Variants in ACBD6 observed in about 807,000 individuals in gnomAD.
The protein encoded by ACBD6 is acyl-CoA-binding domain-containing protein 6.
Under a neutral mutation model 37.2 loss-of-function variants are expected in ACBD6, and 28 were observed. That is an observed-to-expected ratio of 0.75 (90% CI 0.56 to 1.03). The LOEUF is 1.03. Ranked by LOEUF, ACBD6 falls within the 50% of genes least tolerant of loss-of-function variation. The pLI is 0.00. For synonymous variants in ACBD6, 113 were observed against 126.8 expected, an observed-to-expected ratio of 0.89 and a Z score of 0.73; for missense variants, 340 against 337.4, an observed-to-expected ratio of 1.01 and a Z score of -0.06.
chr1:180,338,834 GAAAA>G (rs879830780), intron 6 of ACBD6, among the ~76,000 whole-genome samples: 1,848 of 152,116 alleles, frequency 0.012, 17 homozygotes, highest in Non-Finnish European at 0.017. Context: ...AAATTTATAA[GAAAA>G]AAACAAACAA....
chr1:180,479,283 G>C (rs909728544), intron 3 of ACBD6, among the ~76,000 whole-genome samples: 8 of 152,092 alleles, frequency 5.3e-5, no homozygotes, highest in Non-Finnish European at 8.8e-5. Context: ...ATAAAATGTG[G>C]TATATATACA....
chr1:180,468,705 CA>C (rs1428209329), intron 3 of ACBD6, among the ~76,000 whole-genome samples: 1 of 152,152 alleles, frequency 6.6e-6, no homozygotes, highest in South Asian at 2.1e-4. Flanking sequence ...GCCCTATTTC[CA>C]AAAATTACTT....
At chr1:180,327,162 A>G (rs1339152013) in intron 6 of ACBD6, among the ~76,000 whole-genome samples, 3 of 152,172 alleles carry the variant, frequency 2.0e-5, no homozygotes, top group African/African-American at 7.2e-5. Context: ...TTTGGCCCGC[A>G]GTGGTGAGGT....
At chr1:180,460,049 T>C (rs1289192738) in intron 3 of ACBD6, among the ~76,000 whole-genome samples, 4 of 151,096 alleles carry the variant, frequency 2.6e-5, no homozygotes, top group Non-Finnish European at 4.4e-5. Context: ...GTTACATATG[T>C]ATACATGTGC....
At chr1:180,300,892 T>C (rs1045926363) in intron 7 of ACBD6, among the ~76,000 whole-genome samples, 1 of 152,228 alleles carries the variant, frequency 6.6e-6, no homozygotes, top group Non-Finnish European at 1.5e-5. Context: ...TTGATTTCTA[T>C]GAAAGATTAT....
intron 5 of ACBD6, among the ~76,000 whole-genome samples, chr1:180,403,193 A>G (rs557850243): frequency 1.3e-5 from 2 of 152,290 alleles, no homozygotes; most frequent in South Asian, 2.1e-4. Context: ...GATTAAAAGA[A>G]AACAGTGGCT....
intron 6 of ACBD6, among the ~76,000 whole-genome samples, chr1:180,337,164 T>G (rs1271933383): frequency 1.3e-5 from 2 of 152,188 alleles, no homozygotes; most frequent in African/African-American, 4.8e-5. Flanking sequence ...GAGGCCAGCA[T>G]CATCCTGATA....
chr1:180,408,443 C>G (rs1647717426), intron 5 of ACBD6, among the ~76,000 whole-genome samples: 2 of 152,022 alleles, frequency 1.3e-5, no homozygotes, highest in South Asian at 4.1e-4. Context: ...ACTGCATGTT[C>G]TCACTCATAG....
At chr1:180,475,311 G>A (rs191488791) in intron 3 of ACBD6, among the ~76,000 whole-genome samples, 235 of 152,282 alleles carry the variant, frequency 1.5e-3, no homozygotes, top group African/African-American at 5.4e-3. Context: ...AATCCCTGCT[G>A]TTTATTCCTA....
intron 6 of ACBD6, among the ~76,000 whole-genome samples, chr1:180,381,025 G>A (rs1005522521): frequency 6.6e-6 from 1 of 152,030 alleles, no homozygotes; most frequent in Non-Finnish European, 1.5e-5. Flanking sequence ...GGATGAAAAA[G>A]ATATTCCATG....
In ACBD6 at chr1:180,364,814, A is replaced by G. The variant is rs1205304050; in HGVS notation, c.663+32702T>C. ...AGTAGCGCGATCTTGGCTCACTGCA[A>G]CCTCTGCCTCCTGGGTTCAAGTGAT... On this transcript the variant is annotated intron_variant, in intron 6 of 7. Coordinates refer to ENST00000367595, the MANE Select transcript of ACBD6 (RefSeq NM_032360.4). Among the ~76,000 whole-genome samples, 3 of 151,104 alleles carry G rather than the reference A, an allele frequency of 2.0e-5. No homozygotes were observed. In the East Asian group the frequency reaches 5.9e-4, roughly 30 times the overall value.
intron 3 of ACBD6, among the ~76,000 whole-genome samples, chr1:180,488,322 G>C (rs1461414990): frequency 6.6e-6 from 1 of 152,084 alleles, no homozygotes; most frequent in Non-Finnish European, 1.5e-5. Flanking sequence ...ATATTCTTGA[G>C]ATAAGATGAA....
At chr1:180,358,363 G>T (rs1310227500) in intron 6 of ACBD6, among the ~76,000 whole-genome samples, 2 of 152,084 alleles carry the variant, frequency 1.3e-5, no homozygotes, top group Non-Finnish European at 2.9e-5. Flanking sequence ...GGAGGCGGGG[G>T]TTGCGGTGAG....
chr1:180,500,132 T>A (rs557780762), intron 1 of ACBD6, among the ~76,000 whole-genome samples: 77 of 133,326 alleles, frequency 5.8e-4, no homozygotes, highest in Middle Eastern at 3.8e-3. Flanking sequence ...CTTTTTTAGT[T>A]AAAAAAAAAA....
At chr1:180,474,122 C>T (rs1341174820) in intron 3 of ACBD6, among the ~76,000 whole-genome samples, 4 of 152,026 alleles carry the variant, frequency 2.6e-5, no homozygotes, top group African/African-American at 9.7e-5. Context: ...AATTAAAGAC[C>T]ACTTTTCTAT....
chr1:180,288,955 G>A (rs1244090718), intron 7 of ACBD6, among the ~76,000 whole-genome samples: 2 of 150,642 alleles, frequency 1.3e-5, no homozygotes, highest in Admixed American at 1.3e-4. Flanking sequence ...GAGGGGATAA[G>A]TGGGTAACTA....
chr1:180,291,383 T>C (rs1055902957), intron 7 of ACBD6, among the ~76,000 whole-genome samples: 25 of 152,214 alleles, frequency 1.6e-4, no homozygotes, highest in Non-Finnish European at 7.3e-5. Context: ...ACTTTACTAT[T>C]ATTAAAAATA....
chr1:180,448,533 A>T (rs1649565789), intron 3 of ACBD6, among the ~76,000 whole-genome samples: 1 of 151,846 alleles, frequency 6.6e-6, no homozygotes, highest in Non-Finnish European at 1.5e-5. Context: ...TTGTTGTCCT[A>T]CTTGATTTTG....
At chr1:180,295,310 G>A (rs1400849888) in intron 7 of ACBD6, among the ~76,000 whole-genome samples, 2 of 143,052 alleles carry the variant, frequency 1.4e-5, no homozygotes, top group Admixed American at 7.2e-5. Context: ...TTGCTCTGTC[G>A]CCCAGGCTGA....
Sources: gnomAD v4.1 joint callset for allele counts (sites outside exome capture counted in the v4.1 genomes callset) on GRCh38, gnomAD v4.1.1 for gene constraint, MANE v1.5 for transcripts, NCBI Gene and HGNC (gene_info 2026-07-23, HGNC 2026-07-21) for gene names.